Variants in ITGAM observed in about 807,000 individuals in gnomAD.
ITGAM encodes the protein integrin subunit alpha M, also known as integrin alpha-M.
Under a neutral mutation model 137.5 loss-of-function variants are expected in ITGAM, and 79 were observed. That is an observed-to-expected ratio of 0.57 (90% confidence interval 0.48 to 0.69). The LOEUF is 0.69. Among genes scored for constraint, ITGAM ranks in the 30% least tolerant of loss-of-function variants. The pLI is 0.00. For synonymous variants in ITGAM, 583 were observed against 592.3 expected (o/e 0.98, Z 0.23); for missense variants, 1,343 against 1,483.5 (o/e 0.91, Z 1.56).
intron 14 of ITGAM, among the ~76,000 whole-genome samples, chr16:31,302,896 TTC>T (rs948004091): frequency 1.6e-4 from 24 of 150,634 alleles, no homozygotes; most frequent in South Asian, 6.4e-4. Context: ...CTTTCTTTCT[TTC>T]TCTCTCTCTC....
At chr16:31,304,123 C>G (rs558481843) in intron 14 of ITGAM, among the ~76,000 whole-genome samples, 1 of 152,174 alleles carries the variant, frequency 6.6e-6, no homozygotes, top group Non-Finnish European at 1.5e-5. Context: ...CATGCCAGAT[C>G]TATTGTTTTT....
chr16:31,285,832 T>C (rs1387109477), intron 12 of ITGAM, among the ~76,000 whole-genome samples: 1 of 151,376 alleles, frequency 6.6e-6, no homozygotes, highest in Non-Finnish European at 1.5e-5. Context: ...AGGGTCTCAC[T>C]ATGTTGCCCA....
intron 26 of ITGAM, 55 bp from the exon 27 acceptor site, chr16:31,330,253 G>A: frequency 6.3e-7 from 1 of 1,586,504 alleles, no homozygotes; most frequent in South Asian, 1.1e-5. Context: ...AACGGGGAGG[G>A]GTGTTCTCTG....
At chr16:31,260,124 G>A (rs780958268) in intron 1 of ITGAM, 32 bp downstream of exon 1, 2 of 1,421,418 alleles carry the variant, frequency 1.4e-6, no homozygotes, top group Non-Finnish European at 1.9e-6. Flanking sequence ...GACTCTGGGT[G>A]GGGAGGAGGG....
At chr16:31,277,916 G>A (rs1406024342) in intron 11 of ITGAM, 51 bp from the exon 12 acceptor site, 51 of 1,539,872 alleles carry the variant, frequency 3.3e-5, no homozygotes, top group Non-Finnish European at 4.4e-5. Context: ...GGTCTGCATG[G>A]TGGAGGAGGG....
chr16:31,330,128 C>G lies in ITGAM; in HGVS notation c.3024C>G (p.Ser1008=). The G allele has an allele frequency of 6.2e-7, 1 of 1,613,780 alleles. No homozygotes were observed. The highest frequency in any genetic ancestry group is 1.1e-5 in the South Asian group (1 of 91,040). ...CHTKERLPSH[S]DFLAELRKAP... is the part of the protein sequence containing the mutation. Reference sequence around the variant, plus strand: ...CCAAGGAGCGCTTGCCCTCTCACTCCGACTTTCTGGCTGAGCTTCGGAAGG... The same window carrying G: ...CCAAGGAGCGCTTGCCCTCTCACTCGGACTTTCTGGCTGAGCTTCGGAAGG... The change falls in exon 26 of 30, where the codon TCC becomes TCG. Residue 1008 remains serine, a synonymous_variant. Coordinates refer to ENST00000544665, the MANE Select transcript of ITGAM (RefSeq NM_000632.4).
intron 12 of ITGAM, among the ~76,000 whole-genome samples, chr16:31,296,755 C>A (rs1332534166): frequency 6.6e-6 from 1 of 152,060 alleles, no homozygotes. Flanking sequence ...TCTCTATTAC[C>A]CAGCTGTGTG....
chr16:31,281,390 T>C (rs1441321897), intron 12 of ITGAM, among the ~76,000 whole-genome samples: 1 of 152,232 alleles, frequency 6.6e-6, no homozygotes, highest in Non-Finnish European at 1.5e-5. Flanking sequence ...ATTGCCTCAA[T>C]TTCAGAGCCT....
chr16:31,302,483 CTTTT>C (rs34797781), intron 14 of ITGAM, among the ~76,000 whole-genome samples: 1 of 77,630 alleles, frequency 1.3e-5, no homozygotes, highest in Admixed American at 1.4e-4. Flanking sequence ...TTCTTTCTTT[CTTTT>C]TTCTTTCCTT....
At chr16:31,307,791 A>G (rs2144421873) in intron 14 of ITGAM, among the ~76,000 whole-genome samples, 1 of 152,196 alleles carries the variant, frequency 6.6e-6, no homozygotes, top group East Asian at 1.9e-4. Flanking sequence ...GGTTTGTCAT[A>G]GATAGCTCTT....
At chr16:31,328,079 G>A (rs1240295211) in intron 22 of ITGAM, 68 bp from the exon 23 acceptor site, 4 of 1,191,400 alleles carry the variant, frequency 3.4e-6, no homozygotes, top group East Asian at 2.3e-5. Context: ...AGGGAGTGAG[G>A]GAGAGGGAGG....
chr16:31,331,089 G>T, intron 28 of ITGAM, 76 bp from the exon 29 acceptor site: 1 of 755,318 alleles, frequency 1.3e-6, no homozygotes, highest in Non-Finnish European at 2.3e-6. Context: ...CTTGATTCAG[G>T]GGTGCACACG....
chr16:31,276,254 C>A (rs954056977), intron 9 of ITGAM, among the ~76,000 whole-genome samples: 1 of 152,106 alleles, frequency 6.6e-6, no homozygotes, highest in Non-Finnish European at 1.5e-5. Flanking sequence ...CAGATCCTGT[C>A]GGAGTCTCCT....
Position 31,262,981 on chromosome 16 carries a change from G to A in ITGAM, c.134+1184G>A, listed in dbSNP as rs936561685. 9.2e-5 allele frequency among the ~76,000 whole-genome samples: 14 copies of A among 152,072 alleles called. No homozygotes were observed. In the East Asian group the frequency reaches 1.4e-3, roughly 15 times the overall value. On this transcript the variant is annotated intron_variant, in intron 2 of 29. Transcript: ENST00000544665. ...TATTTTTTTAGAGACTCCCTCTGTC[G>A]CCCAGGCTGGAGTGCAGTGGCATGA...
At chr16:31,307,447 TTGTC>T (rs1232639729) in intron 14 of ITGAM, among the ~76,000 whole-genome samples, 1 of 152,200 alleles carries the variant, frequency 6.6e-6, no homozygotes, top group Admixed American at 6.6e-5. Flanking sequence ...GGCTCTCTGT[TTGTC>T]TGTTACTGGT....
At chr16:31,262,346 T>A (rs1049689729) in intron 2 of ITGAM, among the ~76,000 whole-genome samples, 1 of 37,398 alleles carries the variant, frequency 2.7e-5, no homozygotes, top group Non-Finnish European at 6.2e-5. Flanking sequence ...CATCCTTCCT[T>A]CCTTCCTTCC....
chr16:31,277,136 T>A, intron 11 of ITGAM, 87 bp downstream of exon 11: 1 of 1,183,704 alleles, frequency 8.4e-7, no homozygotes, highest in South Asian at 1.6e-5. Flanking sequence ...CTTGAATGAA[T>A]GGGATACATA....
intron 8 of ITGAM, chr16:31,273,732 A>T: frequency 2.2e-6 from 1 of 457,114 alleles, no homozygotes; most frequent in Non-Finnish European, 3.9e-6. Context: ...CCTGTGGGTC[A>T]GCCTGCCAAG....
chr16:31,301,970 T>G (rs1348034046), intron 14 of ITGAM, among the ~76,000 whole-genome samples: 2 of 152,168 alleles, frequency 1.3e-5, no homozygotes, highest in African/African-American at 4.8e-5. Flanking sequence ...TCTTTGACTT[T>G]AATCTAAAAA....
Sources: allele counts gnomAD v4.1 joint callset (sites outside exome capture counted in the v4.1 genomes callset), GRCh38; gene constraint gnomAD v4.1.1; transcripts MANE v1.5; gene names NCBI Gene and HGNC (gene_info 2026-07-23, HGNC 2026-07-21).